Variants in KHDRBS2 observed in about 807,000 individuals in gnomAD.
KHDRBS2 encodes KH domain-containing, RNA-binding, signal transduction-associated protein 2.
In KHDRBS2, 26 loss-of-function variants were observed where a neutral mutation model predicts 44.3. The observed-to-expected ratio is 0.59, with a 90% confidence interval of 0.43 to 0.81. The LOEUF (loss-of-function observed/expected upper bound fraction) is 0.81. KHDRBS2 is among the 40% of genes least tolerant of loss of function. The pLI is 0.00. For missense variants in KHDRBS2, 476 were observed against 433.1 expected (o/e 1.10, Z -0.88); for synonymous variants, 194 against 151.1 (o/e 1.28, Z -2.08).
intron 6 of KHDRBS2, among the ~76,000 whole-genome samples, chr6:61,856,330 G>A (rs1796147755): frequency 6.6e-6 from 1 of 152,008 alleles, no homozygotes; most frequent in Admixed American, 6.6e-5. Context: ...AAACCTGCTG[G>A]CTATTATATT....
chr6:61,867,817 C>T (rs1343757464), intron 6 of KHDRBS2, among the ~76,000 whole-genome samples: 3 of 152,188 alleles, frequency 2.0e-5, no homozygotes, highest in Non-Finnish European at 2.9e-5. Context: ...CCTGCCCCAT[C>T]CTCTGGGAGC....
At chr6:61,651,499 G>C in the KHDRBS2 span, among the ~76,000 whole-genome samples, 2 of 152,024 alleles carry the variant, frequency 1.3e-5, no homozygotes, top group East Asian at 1.9e-4. Context: ...TTTTCCTCTT[G>C]TGGCATTATA....
chr6:62,148,242 T>G (rs1814349682), intron 2 of KHDRBS2, among the ~76,000 whole-genome samples: 1 of 152,010 alleles, frequency 6.6e-6, no homozygotes, highest in Non-Finnish European at 1.5e-5. Context: ...CCTCGAGTTC[T>G]TAGTACTCAT....
At position 61,741,681 on chromosome 6, in the gene KHDRBS2, G is replaced by A. The variant is rs544155184; in HGVS notation, c.811-8917C>T. Among the ~76,000 whole-genome samples the A allele has an allele frequency of 5.9e-5, 9 of 151,920 alleles. No individual in the cohort carries two copies. The South Asian group carries it at 1.9e-3, about 32-fold the overall frequency. On this transcript the variant is annotated intron_variant, in intron 6 of 8. Coordinates refer to ENST00000281156, the MANE Select transcript of KHDRBS2 (RefSeq NM_152688.4). Reference sequence around the variant, plus strand: ...TGTAAGTCAAAAATTGTCAGATGTTGGCAATTTCCTAAGTTCAACCTAACA... The same window carrying A: ...TGTAAGTCAAAAATTGTCAGATGTTAGCAATTTCCTAAGTTCAACCTAACA...
intron 6 of KHDRBS2, among the ~76,000 whole-genome samples, chr6:61,831,592 C>A (rs1264005267): frequency 6.6e-6 from 1 of 151,742 alleles, no homozygotes; most frequent in East Asian, 1.9e-4. Flanking sequence ...ATAGTATAAC[C>A]CAATTAAAAA....
chr6:61,948,930 G>A (rs1335033951), intron 4 of KHDRBS2, among the ~76,000 whole-genome samples: 2 of 151,882 alleles, frequency 1.3e-5, no homozygotes, highest in African/African-American at 2.4e-5. Flanking sequence ...CGTGTTATGC[G>A]AGCGGAATAC....
chr6:61,612,321 C>T, the KHDRBS2 span, among the ~76,000 whole-genome samples: 1 of 152,106 alleles, frequency 6.6e-6, no homozygotes, highest in Non-Finnish European at 1.5e-5. Flanking sequence ...TTTTATAAAA[C>T]TGTGGTTGAA....
intron 2 of KHDRBS2, among the ~76,000 whole-genome samples, chr6:62,151,040 T>C (rs1815060549): frequency 6.6e-6 from 1 of 152,160 alleles, no homozygotes; most frequent in South Asian, 2.1e-4. Flanking sequence ...CCCATACTTC[T>C]ATCTGCACCT....
chr6:62,075,429 C>A (rs1274024345), intron 2 of KHDRBS2, among the ~76,000 whole-genome samples: 5 of 151,888 alleles, frequency 3.3e-5, no homozygotes, highest in Non-Finnish European at 5.9e-5. Context: ...ATAACCCAAT[C>A]CTAGTTAAAG....
intron 2 of KHDRBS2, among the ~76,000 whole-genome samples, chr6:62,092,286 A>G (rs575901710): frequency 2.6e-5 from 4 of 152,276 alleles, no homozygotes; most frequent in Admixed American, 1.3e-4. Flanking sequence ...CAGTACCACA[A>G]AGAGACCTAT....
intron 2 of KHDRBS2, among the ~76,000 whole-genome samples, chr6:62,167,950 G>A (rs1364866342): frequency 6.6e-6 from 1 of 152,038 alleles, no homozygotes; most frequent in East Asian, 1.9e-4. Flanking sequence ...TTGGACTTGG[G>A]TATTTCATCT....
chr6:62,014,987 C>T (rs1216227239), intron 3 of KHDRBS2, among the ~76,000 whole-genome samples: 2 of 151,994 alleles, frequency 1.3e-5, no homozygotes, highest in Non-Finnish European at 2.9e-5. Flanking sequence ...CTTGGCAAAC[C>T]ATACGTGGAA....
chr6:61,997,338 CTT>C (rs765271070), intron 3 of KHDRBS2, among the ~76,000 whole-genome samples: 2 of 152,204 alleles, frequency 1.3e-5, no homozygotes, highest in Non-Finnish European at 2.9e-5. Flanking sequence ...TTGCCCCACA[CTT>C]GACTCCTCTT....
chr6:61,632,555 A>T, the KHDRBS2 span, among the ~76,000 whole-genome samples: 3 of 152,204 alleles, frequency 2.0e-5, no homozygotes. Context: ...GTAAAAGTTC[A>T]TATGAAATTT....
At chr6:62,035,835 A>G (rs536305781) in intron 3 of KHDRBS2, among the ~76,000 whole-genome samples, 8 of 152,172 alleles carry the variant, frequency 5.3e-5, no homozygotes, top group Non-Finnish European at 1.0e-4. Context: ...GGCTCTGGTC[A>G]TTTTAATAAA....
chr6:62,212,461 A>G (rs1223524323), intron 1 of KHDRBS2, among the ~76,000 whole-genome samples: 2 of 151,900 alleles, frequency 1.3e-5, no homozygotes. Context: ...TTAATACATT[A>G]AAGTTCTAAC....
chr6:61,601,471 C>G, the KHDRBS2 span, among the ~76,000 whole-genome samples: 1 of 152,116 alleles, frequency 6.6e-6, no homozygotes, highest in Non-Finnish European at 1.5e-5. Context: ...GACAGTGGTT[C>G]CAAATAGCCA....
intron 6 of KHDRBS2, among the ~76,000 whole-genome samples, chr6:61,751,789 T>G (rs1285879288): frequency 6.6e-6 from 1 of 152,156 alleles, no homozygotes; most frequent in Non-Finnish European, 1.5e-5. Context: ...ATTCATTCAT[T>G]TTCTCACAGT....
At chr6:61,650,243 C>T in the KHDRBS2 span, among the ~76,000 whole-genome samples, 1 of 152,032 alleles carries the variant, frequency 6.6e-6, no homozygotes, top group Non-Finnish European at 1.5e-5. Context: ...CACCTCTCAT[C>T]CCCATTATTT....
Sources: gnomAD v4.1 joint callset for allele counts (sites outside exome capture counted in the v4.1 genomes callset) on GRCh38, gnomAD v4.1.1 for gene constraint, MANE v1.5 for transcripts, NCBI Gene and HGNC (gene_info 2026-07-23, HGNC 2026-07-21) for gene names.